ART3: variants seen among roughly 807,000 people sequenced by gnomAD.
ART3 encodes the protein ecto-ADP-ribosyltransferase 3.
Under a neutral mutation model 48.5 loss-of-function variants are expected in ART3, and 49 were observed. The ratio of observed to expected loss-of-function variants is 1.01; its 90% CI spans 0.80 to 1.28. The LOEUF is 1.28. Ranked by LOEUF, ART3 falls within the 50% of genes most tolerant of loss-of-function variation. The pLI, the probability that ART3 is intolerant of heterozygous loss-of-function variation, is 0.00. For synonymous variants in ART3, 145 were observed against 157.2 expected (o/e 0.92, Z 0.58); for missense variants, 438 against 454.3 (o/e 0.96, Z 0.33).
chr4:76,066,970 T>G (rs1481125971), intron 1 of ART3, among the ~76,000 whole-genome samples: 1 of 152,158 alleles, frequency 6.6e-6, no homozygotes, highest in Non-Finnish European at 1.5e-5. Context: ...TACCTGAGTC[T>G]GCTGCCATAG....
intron 1 of ART3, among the ~76,000 whole-genome samples, chr4:76,016,550 G>A: frequency 6.6e-6 from 1 of 152,166 alleles, no homozygotes; most frequent in East Asian, 1.9e-4. Context: ...TCTCACCCAA[G>A]GCATGTCACT....
At chr4:76,036,176 A>G in intron 1 of ART3, 1 of 562,900 alleles carries the variant, frequency 1.8e-6, no homozygotes, top group Non-Finnish European at 3.1e-6. Context: ...TCCTGCTTCC[A>G]AGAGTTTCTG....
At chr4:76,045,961 G>A (rs1278479136) in intron 1 of ART3, among the ~76,000 whole-genome samples, 1 of 152,040 alleles carries the variant, frequency 6.6e-6, no homozygotes, top group Non-Finnish European at 1.5e-5. Flanking sequence ...CCTGCTGTAG[G>A]CAAAGCTGGG....
intron 1 of ART3, among the ~76,000 whole-genome samples, chr4:76,014,904 T>C (rs1244218191): frequency 6.6e-6 from 1 of 152,096 alleles, no homozygotes; most frequent in East Asian, 1.9e-4. Context: ...ACAACATGTT[T>C]AAAGTGCTGA....
At chr4:76,110,190 C>G (rs993288875) in intron 11 of ART3, among the ~76,000 whole-genome samples, 24 of 152,228 alleles carry the variant, frequency 1.6e-4, no homozygotes, top group African/African-American at 5.1e-4. Flanking sequence ...CTCTGGGATT[C>G]AACCAACTGT....
chr4:76,016,807 C>G (rs1237921775), intron 1 of ART3, among the ~76,000 whole-genome samples: 1 of 152,184 alleles, frequency 6.6e-6, no homozygotes, highest in African/African-American at 2.4e-5. Flanking sequence ...TTTCCCATTC[C>G]TCCCTCCCCT....
At position 76,107,033 on chromosome 4, in the gene ART3, G is replaced by T. The variant is rs553797805; in HGVS notation, c.1004-728G>T. 1.1e-4 allele frequency among the ~76,000 whole-genome samples: 17 copies of T among 151,882 alleles called. 1 individual carries two copies. In the South Asian group the frequency reaches 3.3e-3, roughly 30 times the overall value. On this transcript the variant is annotated intron_variant, in intron 10 of 11. Coordinates refer to ENST00000355810, the MANE Select transcript of ART3 (RefSeq NM_001130016.3). ...GTACAATATTCAATAGATTACATGA[G>T]ACATTCAATATTTTATTATAAAATA...
At chr4:76,045,302 G>T (rs540049752) in intron 1 of ART3, among the ~76,000 whole-genome samples, 5 of 152,126 alleles carry the variant, frequency 3.3e-5, no homozygotes, top group African/African-American at 1.2e-4. Flanking sequence ...AAAGTGGCAG[G>T]GTTGAGGGCC....
intron 1 of ART3, among the ~76,000 whole-genome samples, chr4:76,013,393 C>G (rs1387186664): frequency 6.6e-6 from 1 of 152,086 alleles, no homozygotes; most frequent in African/African-American, 2.4e-5. Flanking sequence ...GGAGGAGACA[C>G]TGCAGAATTT....
At chr4:76,080,049 G>A (rs547165178) in intron 2 of ART3, among the ~76,000 whole-genome samples, 1 of 152,146 alleles carries the variant, frequency 6.6e-6, no homozygotes, top group South Asian at 2.1e-4. Context: ...TCCAACTGAG[G>A]TCCCTAAGCA....
rs550332943 is a variant in ART3, at chr4:76,101,438, C to A, written c.937+419C>A. On this transcript the variant is annotated intron_variant, in intron 8 of 11. Coordinates refer to ENST00000355810, the MANE Select transcript of ART3 (RefSeq NM_001130016.3). Reference sequence around the variant, plus strand: ...ATTATTTAGTACATTCCAAGTGTAACTTATCCTCAAGTATTTGTTTTTGTT... The same window carrying A: ...ATTATTTAGTACATTCCAAGTGTAAATTATCCTCAAGTATTTGTTTTTGTT... Among the ~76,000 whole-genome samples, 38 of 152,270 alleles carry A rather than the reference C, an allele frequency of 2.5e-4. 1 individual carries two copies. Among genetic ancestry groups the A allele is most frequent in the Non-Finnish European group, 3.2e-4 (22 of 68,016 alleles).
chr4:76,099,548 C>A (rs988559279), intron 5 of ART3: 2 of 162,052 alleles, frequency 1.2e-5, no homozygotes, highest in Non-Finnish European at 2.7e-5. Context: ...GAGCTAGAGT[C>A]ATTCTTGACC....
At chr4:76,094,786 T>G (rs1380637629) in intron 3 of ART3, among the ~76,000 whole-genome samples, 8 of 152,190 alleles carry the variant, frequency 5.3e-5, no homozygotes, top group Admixed American at 1.3e-4. Context: ...GGGAAACCCT[T>G]TGCAGATCTC....
chr4:76,042,343 A>G (rs187753980), intron 1 of ART3, among the ~76,000 whole-genome samples: 37 of 152,372 alleles, frequency 2.4e-4, no homozygotes, highest in African/African-American at 7.0e-4. Flanking sequence ...AAGTTAGTGA[A>G]AAGTGGGTTA....
At chr4:76,019,374 G>T (rs951362122) in intron 1 of ART3, among the ~76,000 whole-genome samples, 5 of 149,600 alleles carry the variant, frequency 3.3e-5, no homozygotes, top group African/African-American at 4.9e-5. Flanking sequence ...GCAATTGAAT[G>T]AACTATGTTA....
At chr4:76,045,698 T>C (rs1735438077) in intron 1 of ART3, among the ~76,000 whole-genome samples, 1 of 152,024 alleles carries the variant, frequency 6.6e-6, no homozygotes. Flanking sequence ...CTTTAAGCTT[T>C]TGAAGGCTGT....
At chr4:76,032,256 G>C (rs1733937477) in intron 1 of ART3, among the ~76,000 whole-genome samples, 2 of 151,154 alleles carry the variant, frequency 1.3e-5, no homozygotes, top group African/African-American at 4.9e-5. Context: ...GCCCAGGCTG[G>C]AGTGCAGTGG....
intron 3 of ART3, among the ~76,000 whole-genome samples, chr4:76,083,129 T>C (rs913701335): frequency 6.6e-6 from 1 of 152,044 alleles, no homozygotes; most frequent in African/African-American, 2.4e-5. Context: ...GCCCAAGAAG[T>C]CCAGGCTGTA....
intron 1 of ART3, chr4:76,021,964 G>C (rs1732866284): frequency 1.2e-6 from 2 of 1,607,176 alleles, no homozygotes; most frequent in African/African-American, 1.3e-5. Flanking sequence ...AGAAGAGAAA[G>C]GGGATATAAA....
Sources: gnomAD v4.1 joint callset for allele counts (sites outside exome capture counted in the v4.1 genomes callset) on GRCh38, gnomAD v4.1.1 for gene constraint, MANE v1.5 for transcripts, NCBI Gene and HGNC (gene_info 2026-07-23, HGNC 2026-07-21) for gene names.